TRAPPC9: variants seen among roughly 807,000 people sequenced by gnomAD.
TRAPPC9 encodes trafficking protein particle complex subunit 9, also known as IKK2 binding protein.
A neutral mutation model predicts 124.0 loss-of-function variants in TRAPPC9; 83 were observed. The ratio of observed to expected loss-of-function variants is 0.67; its 90% CI spans 0.56 to 0.80. TRAPPC9 has a LOEUF of 0.80. Ranked by LOEUF, TRAPPC9 falls within the 30% of genes least tolerant of loss-of-function variation. The pLI is 0.00. For synonymous variants in TRAPPC9, 638 were observed against 617.5 expected (o/e 1.03, Z -0.49); for missense variants, 1,302 against 1,508.3 (o/e 0.86, Z 2.27).
chr8:140,146,038 T>C (rs1420292601), intron 17 of TRAPPC9, among the ~76,000 whole-genome samples: 1 of 152,220 alleles, frequency 6.6e-6, no homozygotes, highest in Admixed American at 6.5e-5. Flanking sequence ...TTACCTTACA[T>C]GGGACAGTGT....
At chr8:140,121,547 G>GGCA (rs2060985728) in intron 17 of TRAPPC9, among the ~76,000 whole-genome samples, 1 of 152,176 alleles carries the variant, frequency 6.6e-6, no homozygotes, top group Admixed American at 6.5e-5. Context: ...GCAGGGCCCA[G>GGCA]GCAGCAGCAG....
chr8:139,934,462 C>T (rs949619796), intron 19 of TRAPPC9, among the ~76,000 whole-genome samples: 3 of 152,216 alleles, frequency 2.0e-5, no homozygotes, highest in Admixed American at 2.0e-4. Flanking sequence ...CTTGAAACTT[C>T]ATTCTTCCAA....
At chr8:140,268,066 G>A (rs1052757799) in intron 15 of TRAPPC9, among the ~76,000 whole-genome samples, 1 of 151,944 alleles carries the variant, frequency 6.6e-6, no homozygotes, top group African/African-American at 2.4e-5. Flanking sequence ...ATCTCGTGTG[G>A]CAAAATTTTA....
chr8:140,419,428 C>CAAAAAAAA (rs61155157), intron 5 of TRAPPC9, among the ~76,000 whole-genome samples: 5 of 79,582 alleles, frequency 6.3e-5, no homozygotes, highest in Non-Finnish European at 9.8e-5. Flanking sequence ...GACTCCGTCT[C>CAAAAAAAA]AAAAAAAAAA....
chr8:139,807,932 C>G (rs1321515935), intron 21 of TRAPPC9, among the ~76,000 whole-genome samples: 1 of 152,146 alleles, frequency 6.6e-6, no homozygotes, highest in South Asian at 2.1e-4. Flanking sequence ...AACATGAGAA[C>G]TTCTCCACAG....
intron 19 of TRAPPC9, among the ~76,000 whole-genome samples, chr8:139,911,725 G>T (rs1254089142): frequency 7.1e-6 from 1 of 141,348 alleles, no homozygotes; most frequent in Non-Finnish European, 1.5e-5. Context: ...AAAAAAGTAG[G>T]CCTTTTTTTT....
chr8:140,382,121 T>C (rs2319828), intron 7 of TRAPPC9, among the ~76,000 whole-genome samples: 5,461 of 152,312 alleles, frequency 0.036, 212 homozygotes, highest in African/African-American at 0.097. Context: ...TATCTCCATA[T>C]AGCGGATACT....
chr8:139,838,305 C>T (rs1395066280), intron 21 of TRAPPC9, among the ~76,000 whole-genome samples: 1 of 152,236 alleles, frequency 6.6e-6, no homozygotes, highest in Non-Finnish European at 1.5e-5. Context: ...TGGCACACAT[C>T]GCTGAAGTGT....
chr8:140,421,619 TC>T (rs1489956715), intron 5 of TRAPPC9, among the ~76,000 whole-genome samples: 1 of 152,050 alleles, frequency 6.6e-6, no homozygotes, highest in Non-Finnish European at 1.5e-5. Context: ...CTCTAGCTAA[TC>T]CGCTGGACAA....
chr8:139,737,450 C>T (rs753377821), intron 21 of TRAPPC9, among the ~76,000 whole-genome samples: 58 of 47,276 alleles, frequency 1.2e-3, no homozygotes, highest in Non-Finnish European at 2.4e-3. Context: ...AGCCTTCAGG[C>T]GGGGGTCATC....
At chr8:139,953,867 T>C (rs1834816931) in intron 19 of TRAPPC9, among the ~76,000 whole-genome samples, 1 of 152,132 alleles carries the variant, frequency 6.6e-6, no homozygotes. Flanking sequence ...AAATTCAAAT[T>C]AAAACCATAA....
At chr8:140,057,005 T>C (rs1328547245) in intron 17 of TRAPPC9, among the ~76,000 whole-genome samples, 1 of 152,062 alleles carries the variant, frequency 6.6e-6, no homozygotes, top group Non-Finnish European at 1.5e-5. Context: ...GATTAATAAA[T>C]AACACAATTA....
chr8:140,226,204 C>T (rs1041722438), intron 16 of TRAPPC9, among the ~76,000 whole-genome samples: 4 of 152,056 alleles, frequency 2.6e-5, no homozygotes, highest in East Asian at 3.9e-4. Flanking sequence ...ACAGAAGGTA[C>T]GAGAAGGGAC....
chr8:140,104,956 G>T lies in TRAPPC9; in HGVS notation c.2557-80877C>A, dbSNP rs148280107. 3.7e-4 allele frequency among the ~76,000 whole-genome samples: 57 copies of T among 152,324 alleles called. No individual in the cohort carries two copies. Among genetic ancestry groups the T allele is most frequent in the African/African-American group, 1.2e-3 (51 of 41,560 alleles). On this transcript the variant is annotated intron_variant, in intron 17 of 22. Transcript: ENST00000438773. This position sits in a 1 kb window ranked among gnomAD's most constrained non-coding sequence, Gnocchi z 4.0. ...GGGCCTGTCATCCATGCTGCATCGT[G>T]GCAGGGTCCCACTCAGCAGCAGCCC...
At chr8:140,272,278 G>A (rs547834785) in intron 15 of TRAPPC9, among the ~76,000 whole-genome samples, 16 of 137,406 alleles carry the variant, frequency 1.2e-4, no homozygotes, top group Non-Finnish European at 1.4e-4. Context: ...TGGTGGTGAC[G>A]ATGGTGGTGG....
chr8:139,857,506 C>T (rs569119150), intron 21 of TRAPPC9, among the ~76,000 whole-genome samples: 24 of 152,314 alleles, frequency 1.6e-4, no homozygotes, highest in African/African-American at 5.8e-4. Flanking sequence ...GACCCCAGTC[C>T]AGGCCTGCTG....
At chr8:139,853,537 G>A (rs550410811) in intron 21 of TRAPPC9, among the ~76,000 whole-genome samples, 6 of 152,302 alleles carry the variant, frequency 3.9e-5, no homozygotes, top group East Asian at 3.9e-4. Flanking sequence ...CTTGCTGACC[G>A]AATGAACAAA....
intron 21 of TRAPPC9, among the ~76,000 whole-genome samples, chr8:139,810,747 T>C (rs1824384135): frequency 6.6e-6 from 1 of 152,144 alleles, no homozygotes; most frequent in African/African-American, 2.4e-5. Context: ...TTCTTGGATG[T>C]GGCTCCCTGA....
At chr8:140,131,542 CCTCCTGGCTGCCAAGGGGTGCGG>C (rs1307256670) in intron 17 of TRAPPC9, among the ~76,000 whole-genome samples, 1 of 152,210 alleles carries the variant, frequency 6.6e-6, no homozygotes, top group African/African-American at 2.4e-5. Flanking sequence ...ATGCGCCAGG[CCTCCTGGCTGCCAAGGGGTGCGG>C]CTCTGTGGTG....
Sources: gnomAD v4.1 joint callset for allele counts (sites outside exome capture counted in the v4.1 genomes callset) on GRCh38, gnomAD v4.1.1 for gene constraint, Gnocchi (gnomAD v3.1) non-coding constraint, MANE v1.5 for transcripts, NCBI Gene and HGNC (gene_info 2026-07-23, HGNC 2026-07-21) for gene names.